Variants in SS18 observed in about 807,000 individuals in gnomAD.
The protein encoded by SS18 is protein SSXT.
SS18 carries 28 observed loss-of-function variants against 72.5 expected under a neutral mutation model. That is an observed-to-expected ratio of 0.39 (90% CI 0.29 to 0.53). SS18 has a LOEUF of 0.53. Among genes scored for constraint, SS18 ranks in the 20% least tolerant of loss-of-function variants. The pLI, the probability that SS18 is intolerant of heterozygous loss-of-function variation, is 0.76. For synonymous variants in SS18, 172 were observed against 164.2 expected (o/e 1.05, Z -0.37); for missense variants, 518 against 535.3 (o/e 0.97, Z 0.32).
chr18:26,056,248 G>C (rs774359986), intron 4 of SS18, among the ~76,000 whole-genome samples: 1 of 152,194 alleles, frequency 6.6e-6, no homozygotes, highest in Non-Finnish European at 1.5e-5. Flanking sequence ...ATGTTACACA[G>C]AGAATTTAAG....
At position 26,027,701 on chromosome 18, in the gene SS18, A is replaced by AG. The variant is rs1567989062; in HGVS notation, c.1230+4697_1230+4698insC. ...AAAAAAAAAAAAAAAAAAAAAAAAA[A>AG]AAAGTCTTTTCAACAAATGACTCTG... On this transcript the variant is annotated intron_variant, in intron 10 of 10. Transcript: ENST00000415083. 6.5e-4 allele frequency among the ~76,000 whole-genome samples: 84 copies of AG among 129,836 alleles called. 5 individuals are homozygous for AG. Among genetic ancestry groups the AG allele is most frequent in the African/African-American group, 2.9e-3 (78 of 27,020 alleles). The allele number at this position is 129,836 out of a possible 152,430, so 85.2% of individuals were successfully genotyped here. A position where few individuals can be genotyped will look rare whatever the true frequency, so the allele number is the denominator to read the frequency against.
chr18:26,087,030 C>T (rs1486166556), intron 2 of SS18, among the ~76,000 whole-genome samples: 3 of 151,966 alleles, frequency 2.0e-5, no homozygotes, highest in Non-Finnish European at 2.9e-5. Context: ...TGGCCATCAC[C>T]GATGGATAAA....
chr18:26,039,190 A>AG, intron 6 of SS18, 99 bp downstream of exon 6: 2 of 962,500 alleles, frequency 2.1e-6, no homozygotes, highest in Non-Finnish European at 2.9e-6. Context: ...AAAAAAAAAA[A>AG]AAAAAGAAAA....
chr18:26,086,434 A>G (rs2054617199), intron 2 of SS18, among the ~76,000 whole-genome samples: 1 of 152,242 alleles, frequency 6.6e-6, no homozygotes, highest in Non-Finnish European at 1.5e-5. Flanking sequence ...AGAATGCAAT[A>G]TATCTCAATA....
intron 3 of SS18, among the ~76,000 whole-genome samples, chr18:26,060,285 T>C (rs952870946): frequency 1.3e-5 from 2 of 152,106 alleles, no homozygotes; most frequent in Admixed American, 6.5e-5. Context: ...TGAAAGAAGA[T>C]GGACACAAAA....
intron 5 of SS18, among the ~76,000 whole-genome samples, chr18:26,043,041 G>C (rs986138366): frequency 1.3e-5 from 2 of 151,982 alleles, no homozygotes; most frequent in African/African-American, 4.8e-5. Context: ...TTATTAGCCA[G>C]GCACTAAGCT....
intron 3 of SS18, among the ~76,000 whole-genome samples, chr18:26,074,164 T>A (rs1301323592): frequency 1.3e-5 from 2 of 152,136 alleles, no homozygotes; most frequent in African/African-American, 4.8e-5. Context: ...AGTAAACTTA[T>A]ACTTTCCAAA....
intron 3 of SS18, among the ~76,000 whole-genome samples, chr18:26,064,198 T>G (rs2054173614): frequency 6.6e-6 from 1 of 152,088 alleles, no homozygotes. Context: ...CTCAGATACC[T>G]TCAATAGAGA....
intron 3 of SS18, among the ~76,000 whole-genome samples, chr18:26,067,044 T>A (rs982697977): frequency 2.0e-5 from 3 of 152,242 alleles, no homozygotes; most frequent in Admixed American, 2.0e-4. Flanking sequence ...AGGAATCAAT[T>A]ATTTTTCTTT....
chr18:26,036,465 T>A (rs1479717468), intron 7 of SS18, among the ~76,000 whole-genome samples: 1 of 152,182 alleles, frequency 6.6e-6, no homozygotes, highest in Admixed American at 6.5e-5. Context: ...AAATTATATA[T>A]CTTAATGCTG....
chr18:26,054,561 G>A (rs1025529330), intron 4 of SS18, among the ~76,000 whole-genome samples: 1 of 151,782 alleles, frequency 6.6e-6, no homozygotes, highest in Non-Finnish European at 1.5e-5. Context: ...ACATGATAGA[G>A]ACCAAAAAGA....
At position 26,018,071 on chromosome 18, in the gene SS18, T is replaced by C. The variant is rs1598515723; in HGVS notation, c.*283A>G. 1 of 332,216 alleles carries C rather than the reference T, an allele frequency of 3.0e-6. No individual in the cohort carries two copies. The highest frequency in any genetic ancestry group is 4.6e-5 in the East Asian group (1 of 21,596). 20.6% of individuals were successfully genotyped at this position (332,216 alleles called of 1,614,324 possible). A position where few individuals can be genotyped will look rare whatever the true frequency, so the allele number is the denominator to read the frequency against. The stretch of plus-strand genomic sequence containing the variant: ...ACCTTTCAGTCTGTAACAGTCCATT[T>C]GAAACACAGTTCCAAAATCATTACA... On this transcript the variant is annotated 3_prime_UTR_variant, in exon 11 of 11. Transcript: ENST00000415083.
upstream of SS18, chr18:26,091,050 C>A: frequency 5.6e-6 from 1 of 178,032 alleles, no homozygotes; most frequent in Admixed American, 6.2e-5. Context: ...TGTTGCAGAG[C>A]GTGCCCTAGA....
intron 2 of SS18, among the ~76,000 whole-genome samples, chr18:26,078,644 A>G (rs1482185774): frequency 6.6e-6 from 1 of 152,138 alleles, no homozygotes; most frequent in Non-Finnish European, 1.5e-5. Flanking sequence ...CCAGCCCTTT[A>G]GGAGCCCAAG....
intron 3 of SS18, among the ~76,000 whole-genome samples, chr18:26,058,604 G>A (rs1400430185): frequency 6.6e-6 from 1 of 152,136 alleles, no homozygotes; most frequent in Non-Finnish European, 1.5e-5. Context: ...GCCAGTTACT[G>A]TATGCCTTTC....
chr18:26,078,556 T>A (rs1344828581), intron 2 of SS18, among the ~76,000 whole-genome samples: 2 of 152,138 alleles, frequency 1.3e-5, no homozygotes, highest in African/African-American at 4.8e-5. Flanking sequence ...ACACTGAGTT[T>A]TTTTAAAAAG....
intron 3 of SS18, 38 bp from the exon 4 acceptor site, chr18:26,057,780 C>A: frequency 6.4e-7 from 1 of 1,552,278 alleles, no homozygotes; most frequent in Non-Finnish European, 8.7e-7. Context: ...GAGAAACAGA[C>A]TAATATACGA....
intron 7 of SS18, among the ~76,000 whole-genome samples, chr18:26,037,361 A>T (rs1160159765): frequency 6.6e-6 from 1 of 152,070 alleles, no homozygotes; most frequent in African/African-American, 2.4e-5. Flanking sequence ...AAAAATAGAA[A>T]CAATCATTTA....
chr18:26,052,379 A>G (rs2053937568), intron 5 of SS18, among the ~76,000 whole-genome samples: 2 of 152,216 alleles, frequency 1.3e-5, no homozygotes, highest in African/African-American at 4.8e-5. Flanking sequence ...TTAAAAAACA[A>G]TTCTCAACAA....
Sources: gnomAD v4.1 joint callset for allele counts (sites outside exome capture counted in the v4.1 genomes callset) on GRCh38, gnomAD v4.1.1 for gene constraint, MANE v1.5 for transcripts, NCBI Gene and HGNC (gene_info 2026-07-23, HGNC 2026-07-21) for gene names.